MAT1A: variants seen among roughly 807,000 people sequenced by gnomAD.
MAT1A encodes the protein methionine adenosyltransferase 1A, also known as S-adenosylmethionine synthase isoform type-1.
A neutral mutation model predicts 44.0 loss-of-function variants in MAT1A; 19 were observed. The ratio of observed to expected loss-of-function variants is 0.43; its 90% CI spans 0.30 to 0.63. The LOEUF (loss-of-function observed/expected upper bound fraction) is 0.63. MAT1A is among the 30% of genes least tolerant of loss of function. MAT1A has a pLI of 0.12. For missense variants in MAT1A, 397 were observed against 531.0 expected (o/e 0.75, Z 2.48); for synonymous variants, 205 against 205.6 (o/e 1.00, Z 0.03).
intron 1 of MAT1A, among the ~76,000 whole-genome samples, chr10:80,289,076 G>A (rs1292020880): frequency 1.3e-5 from 2 of 152,192 alleles, no homozygotes; most frequent in Admixed American, 6.5e-5. Flanking sequence ...ATTCCATTGC[G>A]CAGTAGGGTG....
chr10:80,282,774 G>A (rs1156472587), intron 3 of MAT1A, among the ~76,000 whole-genome samples: 1 of 152,162 alleles, frequency 6.6e-6, no homozygotes, highest in Non-Finnish European at 1.5e-5. Context: ...GAACCTCTGC[G>A]AGTCTGCACC....
At chr10:80,274,761 G>A (rs1841459636) in intron 7 of MAT1A, 108 bp from the exon 8 acceptor site, 1 of 1,449,282 alleles carries the variant, frequency 6.9e-7, no homozygotes. Flanking sequence ...CATGCCTCTT[G>A]CCCCACATGC....
Position 80,276,589 on chromosome 10 carries a change from T to C in MAT1A, c.555A>G (p.Thr185=). ...CGCCATTGTCCTGCATGTACTGAAC[T>C]GTCACCTGTCCATCAGAAGGGTGGG... ...WLRPDSKTQV[T]VQYMQDNGAV... The change falls in exon 6 of 9, where the codon ACA becomes ACG. Residue 185 remains threonine (T), a synonymous_variant. Coordinates refer to ENST00000372213, the MANE Select transcript of MAT1A (RefSeq NM_000429.3). The C allele has an allele frequency of 6.2e-7, 1 of 1,611,002 alleles. No homozygotes were observed. The highest frequency in any genetic ancestry group is 8.5e-7 in the Non-Finnish European group (1 of 1,179,972).
At chr10:80,275,499 G>T in intron 6 of MAT1A, 1 of 468,924 alleles carries the variant, frequency 2.1e-6, no homozygotes, top group Non-Finnish European at 3.9e-6. Context: ...CCATCACAAT[G>T]GAGAGATCCA....
At chr10:80,287,292 TG>T (rs1249631328) in intron 1 of MAT1A, among the ~76,000 whole-genome samples, 1 of 152,278 alleles carries the variant, frequency 6.6e-6, no homozygotes, top group Non-Finnish European at 1.5e-5. Context: ...GAATTGTTTT[TG>T]TTTTTGTTTT....
rs370765117 is a variant in MAT1A, at chr10:80,280,343, C to G, written c.406-27G>C. ...TGTGGCGAGAGAGCAGGCTGAGCGG[C>G]GCCCACCCTAGACCAAGAGGACCGC... On this transcript the variant is annotated intron_variant, in intron 4 of 8. Transcript: ENST00000372213. 5 of 1,612,804 alleles carry G rather than the reference C, an allele frequency of 3.1e-6. No homozygotes were observed. In the African/African-American group the frequency reaches 6.7e-5, roughly 22 times the overall value.
intron 3 of MAT1A, among the ~76,000 whole-genome samples, chr10:80,283,052 G>A (rs1841589094): frequency 6.6e-6 from 1 of 152,136 alleles, no homozygotes; most frequent in Admixed American, 6.5e-5. Flanking sequence ...GACCCAAAAT[G>A]AATTTTTCTT....
At chr10:80,277,390 G>A (rs1343921473) in intron 5 of MAT1A, among the ~76,000 whole-genome samples, 3 of 152,176 alleles carry the variant, frequency 2.0e-5, no homozygotes, top group African/African-American at 7.2e-5. Flanking sequence ...ATCAAACCCT[G>A]GATCTGTATC....
chr10:80,278,204 T>C (rs1482769803), intron 5 of MAT1A, among the ~76,000 whole-genome samples: 1 of 152,218 alleles, frequency 6.6e-6, no homozygotes, highest in East Asian at 1.9e-4. Flanking sequence ...GGTATCTGTA[T>C]TGGCATTTTC....
chr10:80,278,236 G>T (rs933788909), intron 5 of MAT1A, among the ~76,000 whole-genome samples: 1 of 152,160 alleles, frequency 6.6e-6, no homozygotes, highest in African/African-American at 2.4e-5. Flanking sequence ...TCAAAGGAAG[G>T]GAACCCCTAA....
intron 3 of MAT1A, among the ~76,000 whole-genome samples, chr10:80,282,767 C>A (rs950144720): frequency 6.6e-6 from 1 of 152,176 alleles, no homozygotes; most frequent in African/African-American, 2.4e-5. Context: ...CTGGACTGAA[C>A]CTCTGCGAGT....
intron 8 of MAT1A, 24 bp downstream of exon 8, chr10:80,274,496 T>TAA: frequency 1.2e-6 from 2 of 1,613,878 alleles, no homozygotes; most frequent in Non-Finnish European, 1.7e-6. Flanking sequence ...AGGTCCTGTG[T>TAA]AATAGCAGCG....
Position 80,276,501 on chromosome 10 carries a change from G to GC in MAT1A, c.642dup (p.Leu215AlafsTer51). ...TTCAGGGCCCTGCGCATCTCCTCCA[G>GC]CGTGATGTCTTCGTTGTGCTGCACA... On this transcript the variant is annotated frameshift_variant, in exon 6 of 9. Transcript: ENST00000372213. LOFTEE classifies it high-confidence loss of function. 1 of 1,614,170 alleles carries GC rather than the reference G, an allele frequency of 6.2e-7. No individual in the cohort carries two copies. The highest frequency in any genetic ancestry group is 8.5e-7 in the Non-Finnish European group (1 of 1,180,054).
At chr10:80,281,332 C>T (rs1177260975) in intron 3 of MAT1A, among the ~76,000 whole-genome samples, 2 of 152,202 alleles carry the variant, frequency 1.3e-5, no homozygotes, top group Non-Finnish European at 2.9e-5. Context: ...CCAGGGTCCT[C>T]TGACCCTGAG....
Position 80,289,477 on chromosome 10 carries a change from A to T in MAT1A, c.-54T>A, listed in dbSNP as rs1488250680. 1.4e-6 allele frequency: 2 copies of T among 1,403,230 alleles called. No individual in the cohort carries two copies. The highest frequency in any genetic ancestry group is 2.0e-6 in the Non-Finnish European group (2 of 997,442). The allele number at this position is 1,403,230 out of a possible 1,614,324, so 86.9% of individuals were successfully genotyped here. A position where few individuals can be genotyped will look rare whatever the true frequency, so the allele number is the denominator to read the frequency against. On this transcript the variant is annotated 5_prime_UTR_variant, in exon 1 of 9. Transcript: ENST00000372213. ...TTCAGTGAACAATTTTGAGGCTGTG[A>T]CTTTGCCTGAGTTTTTTTTTCTTCT...
chr10:80,284,826 GC>G (rs1841621055), intron 2 of MAT1A, among the ~76,000 whole-genome samples: 1 of 152,180 alleles, frequency 6.6e-6, no homozygotes, highest in Admixed American at 6.5e-5. Flanking sequence ...AGGTTTTCCT[GC>G]CAAACAACTT....
At chr10:80,273,994 A>G (rs1841446015) in intron 8 of MAT1A, 111 bp from the exon 9 acceptor site, 1 of 806,698 alleles carries the variant, frequency 1.2e-6, no homozygotes, top group Non-Finnish European at 2.2e-6. Context: ...CCCTCCTCGC[A>G]TGGCACTACG....
chr10:80,289,488 G>C lies in MAT1A; in HGVS notation c.-65C>G. ...ATTTTGAGGCTGTGACTTTGCCTGA[G>C]TTTTTTTTTCTTCTTCTTCTTCTTC... is the stretch of plus-strand genomic sequence containing the variant. On this transcript the variant is annotated 5_prime_UTR_variant, in exon 1 of 9. Transcript: ENST00000372213. 1 of 1,104,106 alleles carries C rather than the reference G, an allele frequency of 9.1e-7. No individual in the cohort carries two copies. The highest frequency in any genetic ancestry group is 1.3e-6 in the Non-Finnish European group (1 of 751,496). The allele number at this position is 1,104,106 out of a possible 1,614,324, so 68.4% of individuals were successfully genotyped here. A position where few individuals can be genotyped will look rare whatever the true frequency, so the allele number is the denominator to read the frequency against.
chr10:80,276,629 G>T (rs1350721823), intron 5 of MAT1A, 35 bp from the exon 6 acceptor site: 3 of 1,596,274 alleles, frequency 1.9e-6, no homozygotes, highest in Middle Eastern at 1.7e-4. Context: ...ATACTGTGAG[G>T]CTGAGGCTGA....
Sources: gnomAD v4.1 joint callset for allele counts (sites outside exome capture counted in the v4.1 genomes callset) on GRCh38, gnomAD v4.1.1 for gene constraint, MANE v1.5 for transcripts, NCBI Gene and HGNC (gene_info 2026-07-23, HGNC 2026-07-21) for gene names.